NRXN1: variants seen among roughly 807,000 people sequenced by gnomAD.
NRXN1 encodes neurexin 1.
Under a neutral mutation model 150.9 loss-of-function variants are expected in NRXN1, and 39 were observed. That is an observed-to-expected ratio of 0.26 (90% CI 0.20 to 0.34). NRXN1 has a LOEUF of 0.34. Ranked by LOEUF, NRXN1 falls within the 10% of genes least tolerant of loss-of-function variation. The probability of loss-of-function intolerance (pLI) is 1.00; values close to 1 mark genes in which losing one functional copy is unlikely to be tolerated. For synonymous variants in NRXN1, 924 were observed against 757.0 expected (o/e 1.22, Z -3.62); for missense variants, 1,815 against 1,949.9 (o/e 0.93, Z 1.30).
chr2:50,242,003 A>G (rs1272766344), intron 17 of NRXN1, among the ~76,000 whole-genome samples: 2 of 151,834 alleles, frequency 1.3e-5, no homozygotes, highest in African/African-American at 2.4e-5. Flanking sequence ...CTAACTCATA[A>G]CATAAGTATA....
intron 5 of NRXN1, among the ~76,000 whole-genome samples, chr2:50,721,453 A>C (rs974089580): frequency 3.9e-5 from 6 of 152,236 alleles, no homozygotes; most frequent in East Asian, 3.9e-4. Context: ...TCTGAGGTGC[A>C]GTAACCACTT....
chr2:50,448,105 G>A lies in NRXN1; in HGVS notation c.3364+17337C>T, dbSNP rs114390585. On this transcript the variant is annotated intron_variant, in intron 17 of 22. Coordinates refer to ENST00000401669, the MANE Select transcript of NRXN1 (RefSeq NM_001330078.2). ...TCCGTGCTATTAAGCTACTTTTGAG[G>A]GGAAGGTGAAAAATCTAAAAATATA... Among the ~76,000 whole-genome samples the A allele has an allele frequency of 3.4e-3, 518 of 151,954 alleles. 2 individuals carry two copies. Among genetic ancestry groups the A allele is most frequent in the Non-Finnish European group, 5.3e-3 (358 of 67,974 alleles).
intron 5 of NRXN1, among the ~76,000 whole-genome samples, chr2:50,805,486 A>G (rs1379172154): frequency 1.3e-5 from 2 of 151,976 alleles, no homozygotes; most frequent in Admixed American, 6.6e-5. Context: ...AAACCCCATC[A>G]TTACTAAAAA....
intron 21 of NRXN1, among the ~76,000 whole-genome samples, chr2:49,965,353 G>A (rs932147677): frequency 3.3e-5 from 5 of 151,868 alleles, no homozygotes; most frequent in African/African-American, 7.3e-5. Context: ...TGCAACCTCC[G>A]CCTCCCAAGT....
intron 5 of NRXN1, among the ~76,000 whole-genome samples, chr2:50,679,680 T>C (rs889797175): frequency 2.0e-5 from 3 of 152,206 alleles, no homozygotes; most frequent in Non-Finnish European, 4.4e-5. Context: ...AAATTATCTT[T>C]ATTCTATTAA....
chr2:50,506,814 G>A (rs192899850), intron 12 of NRXN1, 197 bp from the exon 13 acceptor site: 63 of 570,360 alleles, frequency 1.1e-4, no homozygotes, highest in Non-Finnish European at 1.7e-4. Flanking sequence ...AAGCCCATTA[G>A]AGTCATAGCA....
At chr2:50,203,545 C>G (rs559893143) in intron 18 of NRXN1, among the ~76,000 whole-genome samples, 65 of 152,218 alleles carry the variant, frequency 4.3e-4, no homozygotes, top group African/African-American at 1.5e-3. Flanking sequence ...TCTTTGGATG[C>G]TGTCTACTCC....
At chr2:50,763,786 A>C (rs1344519031) in intron 5 of NRXN1, among the ~76,000 whole-genome samples, 1 of 151,984 alleles carries the variant, frequency 6.6e-6, no homozygotes, top group Non-Finnish European at 1.5e-5. Context: ...AGCCTGTAAC[A>C]GCTAGTGATC....
At chr2:50,974,030 T>C (rs1341094449) in intron 2 of NRXN1, among the ~76,000 whole-genome samples, 1 of 152,136 alleles carries the variant, frequency 6.6e-6, no homozygotes, top group Non-Finnish European at 1.5e-5. Flanking sequence ...ATGAAATTAT[T>C]TGCACATTAC....
chr2:50,726,178 T>G (rs1307494671), intron 5 of NRXN1, among the ~76,000 whole-genome samples: 2 of 152,202 alleles, frequency 1.3e-5, no homozygotes, highest in African/African-American at 2.4e-5. Context: ...ATGTGATTAT[T>G]CTTTGTACTC....
intron 18 of NRXN1, among the ~76,000 whole-genome samples, chr2:50,188,087 T>C (rs1032887423): frequency 3.9e-5 from 6 of 152,196 alleles, no homozygotes; most frequent in African/African-American, 1.2e-4. Context: ...CTTGCCTGAC[T>C]GCCCTGGCCA....
At chr2:50,373,976 T>C (rs931823595) in intron 17 of NRXN1, among the ~76,000 whole-genome samples, 1 of 151,798 alleles carries the variant, frequency 6.6e-6, no homozygotes, top group Non-Finnish European at 1.5e-5. Context: ...ATTGAAAGGG[T>C]TAGGGTTACA....
intron 5 of NRXN1, among the ~76,000 whole-genome samples, chr2:50,717,496 T>C (rs1391673187): frequency 6.6e-6 from 1 of 152,150 alleles, no homozygotes; most frequent in Admixed American, 6.6e-5. Context: ...AGAATAAACA[T>C]TCTCTTGACA....
At chr2:50,887,544 C>A (rs1220667995) in intron 5 of NRXN1, among the ~76,000 whole-genome samples, 1 of 151,372 alleles carries the variant, frequency 6.6e-6, no homozygotes, top group Non-Finnish European at 1.5e-5. Flanking sequence ...TTTAATGGCT[C>A]ACTAAAGTCT....
chr2:50,109,526 T>C (rs1336250115), intron 18 of NRXN1, among the ~76,000 whole-genome samples: 1 of 152,092 alleles, frequency 6.6e-6, no homozygotes, highest in East Asian at 1.9e-4. Context: ...TAAAATTGTT[T>C]ATCAGTTTGC....
At chr2:50,256,448 G>A (rs2067709327) in intron 17 of NRXN1, among the ~76,000 whole-genome samples, 1 of 152,146 alleles carries the variant, frequency 6.6e-6, no homozygotes, top group Non-Finnish European at 1.5e-5. Flanking sequence ...GAGAAAGTAG[G>A]AAGGCTTTGT....
At chr2:50,352,205 GA>G (rs2078461076) in intron 17 of NRXN1, among the ~76,000 whole-genome samples, 1 of 152,126 alleles carries the variant, frequency 6.6e-6, no homozygotes, top group Non-Finnish European at 1.5e-5. Flanking sequence ...AAGTTGAGAG[GA>G]AAACACAAAA....
chr2:50,562,471 T>C (rs1177286434), intron 8 of NRXN1, among the ~76,000 whole-genome samples: 1 of 152,096 alleles, frequency 6.6e-6, no homozygotes, highest in Non-Finnish European at 1.5e-5. Flanking sequence ...TTTTTGATCA[T>C]GCTCATCAAT....
chr2:50,714,169 C>T (rs1401201534), intron 5 of NRXN1, among the ~76,000 whole-genome samples: 1 of 152,162 alleles, frequency 6.6e-6, no homozygotes, highest in Non-Finnish European at 1.5e-5. Context: ...TTCCCAGTAG[C>T]TAAATCAACT....
Sources: gnomAD v4.1 joint callset for allele counts (sites outside exome capture counted in the v4.1 genomes callset) on GRCh38, gnomAD v4.1.1 for gene constraint, MANE v1.5 for transcripts, NCBI Gene and HGNC (gene_info 2026-07-23, HGNC 2026-07-21) for gene names.